The following PITPNM2 variants were observed in gnomAD, a reference collection of about 807,000 sequenced individuals.
PITPNM2 encodes the protein membrane-associated phosphatidylinositol transfer protein 2.
PITPNM2 carries 35 observed loss-of-function variants against 132.2 expected under a neutral mutation model. The ratio of observed to expected loss-of-function variants is 0.26; its 90% CI spans 0.20 to 0.35. The LOEUF is 0.35. PITPNM2 is among the 10% of genes least tolerant of loss of function. The probability of loss-of-function intolerance (pLI) is 1.00; values close to 1 mark genes in which losing one functional copy is unlikely to be tolerated. For missense variants in PITPNM2, 1,332 were observed against 1,912.0 expected (o/e 0.70, Z 5.66); for synonymous variants, 738 against 799.2 (o/e 0.92, Z 1.29).
At chr12:123,125,542 G>A (rs2043118721) in intron 1 of PITPNM2, among the ~76,000 whole-genome samples, 1 of 152,008 alleles carries the variant, frequency 6.6e-6, no homozygotes, top group South Asian at 2.1e-4. Context: ...ATAGCAGAAC[G>A]CAAAGAAAAT....
intron 2 of PITPNM2, among the ~76,000 whole-genome samples, chr12:123,051,627 C>T (rs1179214102): frequency 6.6e-6 from 1 of 152,194 alleles, no homozygotes; most frequent in Non-Finnish European, 1.5e-5. Flanking sequence ...TCTCCAGAGT[C>T]TGTTTCTGCT....
chr12:123,105,870 T>C (rs1249571577), intron 2 of PITPNM2, among the ~76,000 whole-genome samples: 1 of 152,152 alleles, frequency 6.6e-6, no homozygotes, highest in Non-Finnish European at 1.5e-5. Context: ...GCTGAGAACC[T>C]GCAGGCAGAG....
At chr12:123,096,131 A>G (rs1257471638) in intron 2 of PITPNM2, among the ~76,000 whole-genome samples, 1 of 152,254 alleles carries the variant, frequency 6.6e-6, no homozygotes, top group Non-Finnish European at 1.5e-5. Context: ...CTAAAGCACC[A>G]GGAATACATT....
rs139767210 is a variant in PITPNM2 at position 123,048,898 on chromosome 12, C to G, written c.-95-14213G>C. Among the ~76,000 whole-genome samples, 1,161 of 152,142 alleles carry G rather than the reference C, an allele frequency of 7.6e-3. 7 individuals carry two copies. The highest frequency in any genetic ancestry group is 0.01 in the Admixed American group (160 of 15,290). ...CATATAATCCCAGCATTTTGGGAGG[C>G]TGAGACAGGAGGATCACTGGAGACC... is the stretch of plus-strand genomic sequence containing the variant. On this transcript the variant is annotated intron_variant, in intron 2 of 25. Transcript: ENST00000320201.
chr12:123,021,650 C>G (rs987368144), intron 3 of PITPNM2: 2 of 984,408 alleles, frequency 2.0e-6, no homozygotes, highest in Non-Finnish European at 2.4e-6. Context: ...GCAAGCTGCC[C>G]TTCCCTGAGG....
intron 1 of PITPNM2, among the ~76,000 whole-genome samples, chr12:123,147,071 A>G (rs1192836102): frequency 2.0e-5 from 3 of 152,232 alleles, no homozygotes; most frequent in Non-Finnish European, 4.4e-5. Context: ...TGTGATGACC[A>G]GAGATTTTAG....
intron 1 of PITPNM2, among the ~76,000 whole-genome samples, chr12:123,127,266 C>T (rs2043158176): frequency 6.6e-6 from 1 of 152,210 alleles, no homozygotes; most frequent in Non-Finnish European, 1.5e-5. Context: ...CCCTCCATTT[C>T]CTGGGAGTCC....
At chr12:123,089,165 G>C (rs1227136165) in intron 2 of PITPNM2, 1 of 152,154 alleles carries the variant, frequency 6.6e-6, no homozygotes, top group Non-Finnish European at 1.5e-5. Flanking sequence ...AAGCTTTCGG[G>C]CACAGCTGCT....
Position 122,986,162 on chromosome 12 carries a change from G to A in PITPNM2, c.3915C>T (p.Ser1305=), listed in dbSNP as rs2037921817. The change falls in exon 26 of 26, where the codon AGC becomes AGT. Residue 1305 remains serine (S), a synonymous_variant. Coordinates refer to ENST00000320201, the MANE Select transcript of PITPNM2 (RefSeq NM_020845.3). Reference sequence around the variant, plus strand: ...GGCTCTGTGTCCGCTCGTGCCGGTGGCTGGGCCCGCTGGGCTGGGCCGAGA... The same window carrying A: ...GGCTCTGTGTCCGCTCGTGCCGGTGACTGGGCCCGCTGGGCTGGGCCGAGA... ...RTISAQPSGP[S]HRHERTQSQA... The A allele has an allele frequency of 2.6e-6, 4 of 1,535,410 alleles. No homozygotes were observed. The highest frequency in any genetic ancestry group is 3.5e-6 in the Non-Finnish European group (4 of 1,145,850).
At chr12:123,027,744 A>G (rs2136386017) in intron 3 of PITPNM2, among the ~76,000 whole-genome samples, 2 of 152,328 alleles carry the variant, frequency 1.3e-5, no homozygotes, top group South Asian at 4.1e-4. Context: ...AATAGATGCT[A>G]GGTAAAGATT....
At position 122,996,533 on chromosome 12, in the gene PITPNM2, A is replaced by G. The variant is rs1414034688; in HGVS notation, c.1707T>C (p.Asp569=). ...GDCVGGILAF[D]ALCYSNQPVS... is the part of the protein sequence containing the mutation. ...CCGGCTGGTTACTGTAGCACAGGGC[A>G]TCAAATGCCAGGATGCCCCCGACGC... The change falls in exon 13 of 26, where the codon GAT becomes GAC. Residue 569 remains aspartate (D), a synonymous_variant. Coordinates refer to ENST00000320201, the MANE Select transcript of PITPNM2 (RefSeq NM_020845.3). 1 of 1,613,072 alleles carries G rather than the reference A, an allele frequency of 6.2e-7. No homozygotes were observed. The highest frequency in any genetic ancestry group is 1.7e-5 in the Admixed American group (1 of 60,022).
chr12:123,048,797 C>T (rs959608298), intron 2 of PITPNM2, among the ~76,000 whole-genome samples: 1 of 152,128 alleles, frequency 6.6e-6, no homozygotes, highest in African/African-American at 2.4e-5. Context: ...GGTTATATAA[C>T]AGTGTGAATG....
At chr12:122,989,613 C>T (rs1024702635) in intron 18 of PITPNM2, among the ~76,000 whole-genome samples, 174 bp downstream of exon 18, 1 of 152,148 alleles carries the variant, frequency 6.6e-6, no homozygotes, top group Admixed American at 6.5e-5. Flanking sequence ...GGTCCCCCAC[C>T]CCACCAGACA....
intron 1 of PITPNM2, among the ~76,000 whole-genome samples, chr12:123,112,790 A>G (rs925775447): frequency 3.3e-5 from 5 of 152,074 alleles, no homozygotes; most frequent in African/African-American, 7.2e-5. Flanking sequence ...CGCCCACCTC[A>G]GCCTCCCAAA....
chr12:123,002,153 C>T (rs1301563243), intron 8 of PITPNM2, among the ~76,000 whole-genome samples: 2 of 150,338 alleles, frequency 1.3e-5, no homozygotes, highest in African/African-American at 4.9e-5. Flanking sequence ...GCCTGGCCAA[C>T]GTGGCAAAAC....
Position 123,141,752 on chromosome 12 carries a change from C to G in PITPNM2, c.-200+9001G>C, listed in dbSNP as rs575197874. 1.1e-4 allele frequency among the ~76,000 whole-genome samples: 16 copies of G among 152,266 alleles called. No individual in the cohort carries two copies. In the South Asian group the frequency reaches 2.5e-3, roughly 24 times the overall value. On this transcript the variant is annotated intron_variant, in intron 1 of 25. Transcript: ENST00000320201. ...AGCTGCACGTCCCAGATTTTATGAG[C>G]CGGCCTCCAGCTCACTAGCTGTGTC... is the stretch of plus-strand genomic sequence containing the variant.
At chr12:123,144,500 C>T (rs1366628995) in intron 1 of PITPNM2, among the ~76,000 whole-genome samples, 6 of 152,180 alleles carry the variant, frequency 3.9e-5, no homozygotes, top group Admixed American at 1.3e-4. Context: ...GGCACGATCT[C>T]GGCTCACTGC....
chr12:123,050,791 T>C (rs1244597163), intron 2 of PITPNM2, among the ~76,000 whole-genome samples: 1 of 152,208 alleles, frequency 6.6e-6, no homozygotes, highest in Admixed American at 6.5e-5. Flanking sequence ...TACAGAGCTA[T>C]TAGCTTCCCT....
intron 2 of PITPNM2, chr12:123,087,271 C>G (rs1237783509): frequency 6.6e-6 from 1 of 151,220 alleles, no homozygotes; most frequent in East Asian, 1.9e-4. Context: ...TTTTTTGAAA[C>G]AGCGTCTCAC....
Sources: gnomAD v4.1 joint callset for allele counts (sites outside exome capture counted in the v4.1 genomes callset) on GRCh38, gnomAD v4.1.1 for gene constraint, MANE v1.5 for transcripts, NCBI Gene and HGNC (gene_info 2026-07-23, HGNC 2026-07-21) for gene names.